CPXM2: variants seen among roughly 807,000 people sequenced by gnomAD.
The protein encoded by CPXM2 is inactive carboxypeptidase-like protein X2.
A neutral mutation model predicts 86.1 loss-of-function variants in CPXM2; 66 were observed. That is an observed-to-expected ratio of 0.77 (90% confidence interval 0.63 to 0.94). CPXM2 has a LOEUF of 0.94. Ranked by LOEUF, CPXM2 falls within the 40% of genes least tolerant of loss-of-function variation. The probability of loss-of-function intolerance (pLI) is 0.00; values close to 1 mark genes in which losing one functional copy is unlikely to be tolerated. For synonymous variants in CPXM2, 388 were observed against 400.2 expected (o/e 0.97, Z 0.36); for missense variants, 948 against 1,026.3 (o/e 0.92, Z 1.04).
intron 2 of CPXM2, among the ~76,000 whole-genome samples, chr10:123,926,417 A>G (rs943473163): frequency 2.6e-5 from 4 of 152,106 alleles, no homozygotes; most frequent in Admixed American, 6.5e-5. Flanking sequence ...AGTTTATTGG[A>G]ATCATCTGTG....
chr10:123,780,385 G>A, intron 6 of CPXM2, 130 bp from the exon 7 acceptor site: 2 of 650,396 alleles, frequency 3.1e-6, no homozygotes, highest in Non-Finnish European at 5.5e-6. Context: ...GCTCAGAGAT[G>A]AGAAAACCAA....
chr10:123,821,921 T>G (rs72843030), intron 4 of CPXM2, among the ~76,000 whole-genome samples: 2 of 152,196 alleles, frequency 1.3e-5, no homozygotes, highest in Non-Finnish European at 2.9e-5. Context: ...TAAATGTCAT[T>G]GGCAATTTAT....
At chr10:123,833,902 G>A (rs1848221188) in intron 4 of CPXM2, among the ~76,000 whole-genome samples, 2 of 144,992 alleles carry the variant, frequency 1.4e-5, no homozygotes, top group South Asian at 4.5e-4. Context: ...GGAAACAGCA[G>A]CAACAGCAGA....
chr10:123,851,880 T>C (rs1848605846), intron 3 of CPXM2, among the ~76,000 whole-genome samples: 1 of 151,896 alleles, frequency 6.6e-6, no homozygotes, highest in African/African-American at 2.4e-5. Flanking sequence ...AGGGGATATC[T>C]GAACACAGAG....
chr10:123,897,356 C>T (rs2134257619), intron 2 of CPXM2, among the ~76,000 whole-genome samples: 1 of 152,250 alleles, frequency 6.6e-6, no homozygotes. Context: ...GAGAATAGCT[C>T]CCCCTATCTT....
At chr10:123,791,995 G>A (rs1394561379) in intron 6 of CPXM2, among the ~76,000 whole-genome samples, 1 of 152,236 alleles carries the variant, frequency 6.6e-6, no homozygotes, top group Non-Finnish European at 1.5e-5. Context: ...GTGGTTCCCC[G>A]TGTGACCTGC....
Position 123,803,118 on chromosome 10 carries a change from C to CTTTTTTTTTTTTTTTTT in CPXM2, c.654-3936_654-3920dup, listed in dbSNP as rs532954173. Among the ~76,000 whole-genome samples the CTTTTTTTTTTTTTTTTT allele has an allele frequency of 1.9e-4, 12 of 63,640 alleles. 2 individuals carry two copies. The highest frequency in any genetic ancestry group is 3.4e-4 in the Non-Finnish European group (11 of 32,522). 41.8% of individuals were successfully genotyped at this position (63,640 alleles called of 152,430 possible). A position where few individuals can be genotyped will look rare whatever the true frequency, so the allele number is the denominator to read the frequency against. On this transcript the variant is annotated intron_variant, in intron 4 of 13. Coordinates refer to ENST00000241305, the MANE Select transcript of CPXM2 (RefSeq NM_198148.3). The stretch of plus-strand genomic sequence containing the variant: ...TCCTTTTCATCCTCTTTGTAGTACC[C>CTTTTTTTTTTTTTTTTT]TTTTTTTTTTTTTTTTTTTTTTTTT...
In CPXM2 at chr10:123,751,288, C is replaced by T. The variant is rs143539982; in HGVS notation, c.2017+3375G>A. Among the ~76,000 whole-genome samples, 598 of 152,254 alleles carry T rather than the reference C, an allele frequency of 3.9e-3. 3 individuals carry two copies. The highest frequency in any genetic ancestry group is 0.02 in the Middle Eastern group (6 of 294). ...ATTTGTGGGTAATTAACATTGTCGA[C>T]CCCCCGAGTAGAGAGCAGTCCTGTG... On this transcript the variant is annotated intron_variant, in intron 13 of 13. Transcript: ENST00000241305.
intron 3 of CPXM2, chr10:123,843,203 C>T (rs1848421782): frequency 4.6e-6 from 2 of 435,646 alleles, no homozygotes; most frequent in South Asian, 1.7e-5. Flanking sequence ...CCTCCCTCCT[C>T]GGCCCTCTGA....
At chr10:123,878,296 CTTTTTT>C (rs72163200) in intron 2 of CPXM2, among the ~76,000 whole-genome samples, 38 of 122,830 alleles carry the variant, frequency 3.1e-4, no homozygotes, top group African/African-American at 9.2e-4. Flanking sequence ...TTTTTTCTCT[CTTTTTT>C]TTTTTTTTTT....
intron 9 of CPXM2, 135 bp downstream of exon 9, chr10:123,768,388 TAAA>T (rs1846540710): frequency 6.5e-6 from 1 of 154,566 alleles, no homozygotes. Context: ...AATAAATAAA[TAAA>T]TAAATAAATA....
intron 2 of CPXM2, among the ~76,000 whole-genome samples, chr10:123,930,895 A>G (rs748362313): frequency 2.4e-4 from 36 of 152,202 alleles, no homozygotes; most frequent in Non-Finnish European, 4.6e-4. Flanking sequence ...AGAGCTTGGC[A>G]AGGAGAAATA....
At chr10:123,935,918 C>A (rs1324713162) in intron 2 of CPXM2, among the ~76,000 whole-genome samples, 2 of 139,176 alleles carry the variant, frequency 1.4e-5, no homozygotes, top group Admixed American at 7.2e-5. Context: ...TCTTCACCAT[C>A]ATCACCACAT....
chr10:123,868,723 T>C (rs28508015), intron 2 of CPXM2, among the ~76,000 whole-genome samples: 24,237 of 151,962 alleles, frequency 0.16, 2,046 homozygotes, highest in African/African-American at 0.19. Flanking sequence ...CATAGGCCTT[T>C]ACTGAAAGAA....
At chr10:123,758,759 G>T (rs549466580) in intron 11 of CPXM2, among the ~76,000 whole-genome samples, 18 of 152,214 alleles carry the variant, frequency 1.2e-4, no homozygotes, top group African/African-American at 4.3e-4. Context: ...TGCACTCTGC[G>T]CGACTCACCC....
intron 2 of CPXM2, chr10:123,913,857 A>T: frequency 2.6e-6 from 1 of 383,050 alleles, no homozygotes; most frequent in South Asian, 1.9e-5. Context: ...ACTTCCAAGC[A>T]CCATCCCTCC....
At chr10:123,936,801 G>A (rs1296447318) in intron 2 of CPXM2, among the ~76,000 whole-genome samples, 1 of 152,026 alleles carries the variant, frequency 6.6e-6, no homozygotes, top group South Asian at 2.1e-4. Context: ...CCCCTTCCAG[G>A]CTCTGGCCTG....
At chr10:123,901,556 G>A (rs1945381749) in intron 2 of CPXM2, among the ~76,000 whole-genome samples, 1 of 151,608 alleles carries the variant, frequency 6.6e-6, no homozygotes, top group Non-Finnish European at 1.5e-5. Context: ...TTCTGAGAAG[G>A]TTAACTTTCA....
intron 7 of CPXM2, among the ~76,000 whole-genome samples, chr10:123,772,425 G>A (rs1846663507): frequency 7.4e-6 from 1 of 135,842 alleles, no homozygotes; most frequent in Admixed American, 7.3e-5. Context: ...ACTGCCCTGG[G>A]TGTAGTTATC....
Sources: allele counts gnomAD v4.1 joint callset (sites outside exome capture counted in the v4.1 genomes callset), GRCh38; gene constraint gnomAD v4.1.1; transcripts MANE v1.5; gene names NCBI Gene and HGNC (gene_info 2026-07-23, HGNC 2026-07-21).